MCMDC2: variants seen among roughly 807,000 people sequenced by gnomAD.
The protein encoded by MCMDC2 is minichromosome maintenance domain-containing protein 2.
In MCMDC2, 54 loss-of-function variants were observed where a neutral mutation model predicts 75.8. That is an observed-to-expected ratio of 0.71 (90% CI 0.57 to 0.89). MCMDC2 has a LOEUF of 0.89. Among genes scored for constraint, MCMDC2 ranks in the 40% least tolerant of loss-of-function variants. The pLI is 0.00. For missense variants in MCMDC2, 656 were observed against 780.4 expected (o/e 0.84, Z 1.90); for synonymous variants, 249 against 274.6 (o/e 0.91, Z 0.92).
At chr8:66,880,360 A>G (rs879082681) in intron 7 of MCMDC2, among the ~76,000 whole-genome samples, 4 of 152,208 alleles carry the variant, frequency 2.6e-5, no homozygotes, top group Admixed American at 2.6e-4. Flanking sequence ...CCACTGCACT[A>G]CAGCCTGGGC....
chr8:66,905,865 T>G (rs1812886640), intron 14 of MCMDC2, among the ~76,000 whole-genome samples: 1 of 151,584 alleles, frequency 6.6e-6, no homozygotes, highest in South Asian at 2.1e-4. Context: ...ATTAGCTAGG[T>G]GTGGTGGCAG....
At chr8:66,918,209 C>T (rs914721614) in intron 14 of MCMDC2, among the ~76,000 whole-genome samples, 7 of 152,002 alleles carry the variant, frequency 4.6e-5, no homozygotes, top group East Asian at 1.9e-4. Context: ...TTTAGAGAAA[C>T]GATATTAGTT....
At chr8:66,889,927 A>G (rs1223110454) in intron 9 of MCMDC2, among the ~76,000 whole-genome samples, 1 of 152,234 alleles carries the variant, frequency 6.6e-6, no homozygotes, top group Non-Finnish European at 1.5e-5. Context: ...TTGATGGGAC[A>G]CTAGCAAGCC....
chr8:66,884,124 TTATC>T (rs1274074586), intron 9 of MCMDC2, 130 bp downstream of exon 9: 11 of 624,862 alleles, frequency 1.8e-5, no homozygotes, highest in African/African-American at 1.3e-4. Flanking sequence ...AAATCAATCT[TTATC>T]AATAAAATTC....
Position 66,874,159 on chromosome 8 carries a change from A to G in MCMDC2, c.19A>G (p.Lys7Glu). 4 of 1,592,192 alleles carry G rather than the reference A, an allele frequency of 2.5e-6. No homozygotes were observed. Among genetic ancestry groups the G allele is most frequent in the Non-Finnish European group, 3.4e-6 (4 of 1,173,750 alleles). The change falls in exon 2 of 15, where the codon AAA becomes GAA. Residue 7 changes from lysine to glutamate, a missense_variant. Coordinates refer to ENST00000422365, the MANE Select transcript of MCMDC2 (RefSeq NM_173518.5). ...GGAGAAAATGTCAAATCTAAAAATG[A>G]AAGAGGCGGCCCTCATCTATCTTGA... Reference protein sequence around the residue: MSNLKMKEAALIYLDRS... With the variant: MSNLKMEEAALIYLDRS...
chr8:66,871,388 A>G (rs1184539379), intron 1 of MCMDC2: 1 of 152,108 alleles, frequency 6.6e-6, no homozygotes, highest in Non-Finnish European at 1.5e-5. Context: ...ACCCATACCC[A>G]TATTAAAACC....
downstream of MCMDC2, among the ~76,000 whole-genome samples, chr8:66,923,053 CATG>C (rs918950198): frequency 5.3e-5 from 8 of 152,168 alleles, no homozygotes; most frequent in Admixed American, 1.3e-4. Context: ...GGAAACATTT[CATG>C]ATATCCTTCA....
At chr8:66,913,310 CAA>C (rs1201442385) in intron 14 of MCMDC2, among the ~76,000 whole-genome samples, 1 of 152,124 alleles carries the variant, frequency 6.6e-6, no homozygotes, top group Non-Finnish European at 1.5e-5. Flanking sequence ...ATTGGGAAAA[CAA>C]ATAATTGACG....
Position 66,874,211 on chromosome 8 carries a change from T to C in MCMDC2, c.71T>C (p.Ile24Thr). The change falls in exon 2 of 15, where the codon ATA (isoleucine) becomes ACA (threonine). Residue 24 changes from isoleucine (I) to threonine (T), a missense_variant. Ile to Thr is a moderately conservative substitution (Grantham distance 89). Coordinates refer to ENST00000422365, the MANE Select transcript of MCMDC2 (RefSeq NM_173518.5). ...AGAAGTGGAGGCCTCCAAAAGTTTA[T>C]AGATGATTGCAAGTACTACAATGGT... ...LDRSGGLQKF[I>T]DDCKYYNDSK... The C allele has an allele frequency of 6.2e-7, 1 of 1,611,594 alleles. No homozygotes were observed. The highest frequency in any genetic ancestry group is 1.1e-5 in the South Asian group (1 of 90,140).
chr8:66,892,246 T>C (rs1812142252), intron 10 of MCMDC2, among the ~76,000 whole-genome samples: 1 of 152,204 alleles, frequency 6.6e-6, no homozygotes, highest in Non-Finnish European at 1.5e-5. Context: ...GTCATTGCTC[T>C]TCACTCCTGC....
intron 14 of MCMDC2, among the ~76,000 whole-genome samples, chr8:66,905,833 C>T (rs1454436368): frequency 2.0e-5 from 3 of 151,778 alleles, no homozygotes; most frequent in African/African-American, 4.8e-5. Flanking sequence ...GGTGAAAACC[C>T]GTCTCTACTA....
At chr8:66,889,756 A>C (rs972461473) in intron 9 of MCMDC2, among the ~76,000 whole-genome samples, 1 of 152,142 alleles carries the variant, frequency 6.6e-6, no homozygotes, top group South Asian at 2.1e-4. Context: ...AGATTGCTCC[A>C]TTGCACTCCA....
chr8:66,878,398 A>C (rs1489488209), intron 5 of MCMDC2, among the ~76,000 whole-genome samples, 176 bp from the exon 6 acceptor site: 4 of 152,236 alleles, frequency 2.6e-5, no homozygotes, highest in Non-Finnish European at 5.9e-5. Context: ...GCAAAACTGA[A>C]TTAATTCCGT....
At chr8:66,911,426 T>C (rs1002655087) in intron 14 of MCMDC2, among the ~76,000 whole-genome samples, 5 of 152,192 alleles carry the variant, frequency 3.3e-5, no homozygotes, top group Admixed American at 2.6e-4. Flanking sequence ...TGTGAGTCAA[T>C]TAAACCTCTT....
At chr8:66,882,376 G>GT (rs916032332) in intron 8 of MCMDC2, among the ~76,000 whole-genome samples, 2 of 150,134 alleles carry the variant, frequency 1.3e-5, no homozygotes, top group African/African-American at 4.9e-5. Flanking sequence ...TTCTTTTTTT[G>GT]TTTTTTTGAG....
intron 9 of MCMDC2, among the ~76,000 whole-genome samples, chr8:66,886,074 C>G (rs1283490504): frequency 6.6e-6 from 1 of 151,020 alleles, no homozygotes; most frequent in Non-Finnish European, 1.5e-5. Context: ...CATTCTTGCA[C>G]AAGTCTTTTT....
At chr8:66,923,591 T>C (rs944843610), downstream of MCMDC2, among the ~76,000 whole-genome samples, 8 of 152,148 alleles carry the variant, frequency 5.3e-5, no homozygotes, top group Non-Finnish European at 8.8e-5. Context: ...TGCATAATCC[T>C]GTCTTTACAA....
intron 12 of MCMDC2, among the ~76,000 whole-genome samples, chr8:66,899,573 G>T (rs1170545198): frequency 1.3e-5 from 2 of 152,010 alleles, no homozygotes; most frequent in Non-Finnish European, 2.9e-5. Flanking sequence ...TTGGCTCATT[G>T]CAACCTCCGC....
At chr8:66,897,009 A>C in intron 12 of MCMDC2, 50 bp downstream of exon 12, 1 of 1,505,156 alleles carries the variant, frequency 6.6e-7, no homozygotes, top group South Asian at 1.3e-5. Context: ...AATGTTTCTC[A>C]AATTATATAG....
Sources: gnomAD v4.1 joint callset for allele counts (sites outside exome capture counted in the v4.1 genomes callset) on GRCh38, gnomAD v4.1.1 for gene constraint, MANE v1.5 for transcripts, NCBI Gene and HGNC (gene_info 2026-07-23, HGNC 2026-07-21) for gene names.